Variants in GLI2 observed in about 807,000 individuals in gnomAD.
GLI2 encodes the protein GLI family zinc finger 2, also known as transcription activator GLI2.
A neutral mutation model predicts 78.9 loss-of-function variants in GLI2; 22 were observed. The ratio of observed to expected loss-of-function variants is 0.28; its 90% CI spans 0.20 to 0.40. The LOEUF (loss-of-function observed/expected upper bound fraction) is 0.40. Among genes scored for constraint, GLI2 ranks in the 10% least tolerant of loss-of-function variants. GLI2 has a pLI of 1.00. For synonymous variants in GLI2, 974 were observed against 963.7 expected (o/e 1.01, Z -0.20); for missense variants, 2,097 against 2,213.2 (o/e 0.95, Z 1.05).
In GLI2 at chr2:120,990,427, C is replaced by T; in HGVS notation, c.4462C>T (p.Leu1488=). ...GTCCAGCACTGTGGACTCCCAGCTC[C>T]TGGAGGCCCCCCAGATTGACTTCGA... The part of the protein sequence containing the change: ...QVSSTVDSQL[L]EAPQIDFDAI... Residue 1488 remains leucine, a synonymous_variant, in exon 14 of 14, where the codon CTG becomes TTG. Coordinates refer to ENST00000361492, the MANE Select transcript of GLI2 (RefSeq NM_001374353.1). 6.2e-7 allele frequency: 1 copy of T among 1,614,136 alleles called. No homozygotes were observed. Among genetic ancestry groups the T allele is most frequent in the Non-Finnish European group, 8.5e-7 (1 of 1,180,006 alleles).
intron 1 of GLI2, among the ~76,000 whole-genome samples, chr2:120,784,995 T>G (rs1683956051): frequency 6.6e-6 from 1 of 152,170 alleles, no homozygotes; most frequent in Non-Finnish European, 1.5e-5. Flanking sequence ...CAGTAGGCCC[T>G]CAGGAAACCT....
At chr2:120,743,359 T>C (rs1165338570) in intron 1 of GLI2, among the ~76,000 whole-genome samples, 2 of 152,130 alleles carry the variant, frequency 1.3e-5, no homozygotes, top group Admixed American at 6.5e-5. Context: ...ATTCCAGGAT[T>C]TGGGGAGGCT....
intron 2 of GLI2, among the ~76,000 whole-genome samples, chr2:120,818,529 G>A (rs77556830): frequency 0.022 from 3,372 of 152,308 alleles, 90 homozygotes; most frequent in African/African-American, 0.072. Flanking sequence ...AGTCCTTACC[G>A]AGTAGGTGCT....
intron 3 of GLI2, among the ~76,000 whole-genome samples, chr2:120,940,086 G>T (rs1680383047): frequency 6.6e-6 from 1 of 152,140 alleles, no homozygotes; most frequent in Admixed American, 6.5e-5. Flanking sequence ...GGAAATGTCT[G>T]TTGGGCTATT....
chr2:120,948,863 G>A (rs1308440636), intron 3 of GLI2, among the ~76,000 whole-genome samples: 1 of 152,190 alleles, frequency 6.6e-6, no homozygotes, highest in Admixed American at 6.5e-5. Context: ...CATCCTGCAG[G>A]CTCTGGGAAC....
chr2:120,778,504 G>A (rs1239627956), intron 1 of GLI2, among the ~76,000 whole-genome samples: 2 of 152,168 alleles, frequency 1.3e-5, no homozygotes, highest in African/African-American at 2.4e-5. Context: ...ACTGTGTGGC[G>A]GGGCGTGTGA....
chr2:120,944,423 C>A (rs879341901), intron 3 of GLI2, among the ~76,000 whole-genome samples: 6 of 152,220 alleles, frequency 3.9e-5, no homozygotes, highest in Admixed American at 6.5e-5. Flanking sequence ...GCTCAGGGCA[C>A]ATAGCACTGA....
chr2:120,891,546 C>T (rs972635172), intron 2 of GLI2, among the ~76,000 whole-genome samples: 3 of 152,042 alleles, frequency 2.0e-5, no homozygotes, highest in African/African-American at 4.8e-5. Context: ...GATGAACGGG[C>T]GTACAGAATG....
rs997197612 is a variant in GLI2 at position 120,789,212 on chromosome 2, C to T, written c.-30-8079C>T. Among the ~76,000 whole-genome samples, 7 of 151,610 alleles carry T rather than the reference C, an allele frequency of 4.6e-5. 1 individual carries two copies. The highest frequency in any genetic ancestry group is 1.5e-4 in the African/African-American group (6 of 41,258). On this transcript the variant is annotated intron_variant, in intron 1 of 13. Coordinates refer to ENST00000361492, the MANE Select transcript of GLI2 (RefSeq NM_001374353.1). ...ACACCTGGCTGATTTTTAGTAGAGA[C>T]GGGGTTTCATCATGTTGGCCAGGCT...
chr2:120,915,917 G>A (rs528320849), intron 2 of GLI2, among the ~76,000 whole-genome samples: 9 of 152,276 alleles, frequency 5.9e-5, no homozygotes, highest in South Asian at 2.1e-4. Flanking sequence ...CCCCACTCCC[G>A]CCTCTCTGAT....
At chr2:120,812,309 G>A (rs1254699483) in intron 2 of GLI2, among the ~76,000 whole-genome samples, 4 of 152,156 alleles carry the variant, frequency 2.6e-5, no homozygotes, top group Non-Finnish European at 2.9e-5. Context: ...TTGGGAGTCC[G>A]GTGTCCCCAG....
chr2:120,875,396 T>C (rs985102388), intron 2 of GLI2, among the ~76,000 whole-genome samples: 7 of 152,302 alleles, frequency 4.6e-5, no homozygotes, highest in African/African-American at 1.4e-4. Flanking sequence ...GGGACCACAG[T>C]GCTGCTCACT....
rs555444609 is a variant in GLI2, at chr2:120,892,223, T to C, written c.149-35138T>C. Among the ~76,000 whole-genome samples the C allele has an allele frequency of 2.0e-5, 3 of 152,326 alleles. No individual in the cohort carries two copies. In the East Asian group the frequency reaches 5.8e-4, roughly 29 times the overall value. On this transcript the variant is annotated intron_variant, in intron 2 of 13. Coordinates refer to ENST00000361492, the MANE Select transcript of GLI2 (RefSeq NM_001374353.1). ...ACCTTTTTGACCTGTTGAAGGTTCT[T>C]CTGGGCCACAGGAGAAACGTTTGTT...
chr2:120,845,202 G>A (rs1465976568), intron 2 of GLI2, among the ~76,000 whole-genome samples: 1 of 152,164 alleles, frequency 6.6e-6, no homozygotes, highest in African/African-American at 2.4e-5. Flanking sequence ...GAACCCGGGA[G>A]GTGGAGGTTG....
At chr2:120,889,124 G>C (rs72835597) in intron 2 of GLI2, among the ~76,000 whole-genome samples, 1 of 152,204 alleles carries the variant, frequency 6.6e-6, no homozygotes, top group Non-Finnish European at 1.5e-5. Context: ...AAAGAAGTGC[G>C]GTGGCCATAG....
intron 2 of GLI2, among the ~76,000 whole-genome samples, chr2:120,887,098 G>A (rs964207286): frequency 6.6e-6 from 1 of 152,178 alleles, no homozygotes; most frequent in Non-Finnish European, 1.5e-5. Context: ...GCACACCTCA[G>A]ACGCTGGCCC....
chr2:120,896,502 G>C (rs576442817), intron 2 of GLI2, among the ~76,000 whole-genome samples: 1 of 152,146 alleles, frequency 6.6e-6, no homozygotes, highest in Non-Finnish European at 1.5e-5. Flanking sequence ...GTTCTGAAGG[G>C]TGAAACTCTG....
intron 1 of GLI2, among the ~76,000 whole-genome samples, chr2:120,764,640 G>T (rs566675175): frequency 6.6e-6 from 1 of 152,298 alleles, no homozygotes; most frequent in Non-Finnish European, 1.5e-5. Context: ...TCCCCTTTGC[G>T]CAGGCTGCTG....
intron 2 of GLI2, among the ~76,000 whole-genome samples, chr2:120,838,723 A>G (rs1016280289): frequency 2.0e-5 from 3 of 152,226 alleles, no homozygotes; most frequent in African/African-American, 7.2e-5. Context: ...ATAAGATTAT[A>G]ATCCCATGTT....
Sources: allele counts gnomAD v4.1 joint callset (sites outside exome capture counted in the v4.1 genomes callset), GRCh38; gene constraint gnomAD v4.1.1; transcripts MANE v1.5; gene names NCBI Gene and HGNC (gene_info 2026-07-23, HGNC 2026-07-21).